GRM5: variants seen among roughly 807,000 people sequenced by gnomAD.
GRM5 encodes the protein glutamate metabotropic receptor 5, also known as metabotropic glutamate receptor 5.
GRM5 carries 19 observed loss-of-function variants against 83.1 expected under a neutral mutation model. The observed-to-expected ratio is 0.23, with a 90% CI of 0.16 to 0.34. The LOEUF is 0.34. Among genes scored for constraint, GRM5 ranks in the 10% least tolerant of loss-of-function variants. The pLI, the probability that GRM5 is intolerant of heterozygous loss-of-function variation, is 1.00. For missense variants in GRM5, 1,160 were observed against 1,588.3 expected (o/e 0.73, Z 4.58); for synonymous variants, 675 against 633.6 (o/e 1.07, Z -0.98).
At chr11:88,941,640 C>A (rs373935011) in intron 2 of GRM5, among the ~76,000 whole-genome samples, 6 of 151,622 alleles carry the variant, frequency 4.0e-5, no homozygotes, top group African/African-American at 1.5e-4. Context: ...AGAATGCCAA[C>A]TGTAAATGTA....
At chr11:88,754,415 G>A (rs1023796657) in intron 3 of GRM5, among the ~76,000 whole-genome samples, 3 of 152,030 alleles carry the variant, frequency 2.0e-5, no homozygotes, top group Non-Finnish European at 4.4e-5. Context: ...TCCTGCTCCT[G>A]TACTCCTGAA....
At chr11:88,762,361 A>C (rs1262157581) in intron 3 of GRM5, among the ~76,000 whole-genome samples, 1 of 152,104 alleles carries the variant, frequency 6.6e-6, no homozygotes, top group Non-Finnish European at 1.5e-5. Flanking sequence ...AACCCCATTA[A>C]AATGTGGACA....
intron 2 of GRM5, among the ~76,000 whole-genome samples, chr11:88,952,250 A>G (rs1262331895): frequency 6.6e-6 from 1 of 152,080 alleles, no homozygotes; most frequent in Non-Finnish European, 1.5e-5. Flanking sequence ...AAAATCTCCT[A>G]TACATCTTTC....
chr11:88,774,602 T>C (rs777577204), intron 3 of GRM5, among the ~76,000 whole-genome samples: 4 of 151,652 alleles, frequency 2.6e-5, no homozygotes, highest in Non-Finnish European at 5.9e-5. Context: ...TAAATAGCTC[T>C]TATTATTTTG....
intron 3 of GRM5, among the ~76,000 whole-genome samples, chr11:88,760,387 A>G (rs1942486879): frequency 6.6e-6 from 1 of 152,114 alleles, no homozygotes; most frequent in African/African-American, 2.4e-5. Context: ...TTTACCACGG[A>G]CCCCATAGAA....
At chr11:89,017,254 C>A in intron 2 of GRM5, among the ~76,000 whole-genome samples, 1 of 152,284 alleles carries the variant, frequency 6.6e-6, no homozygotes, top group African/African-American at 2.4e-5. Context: ...TGGCTCTAGT[C>A]TGTAGCAATG....
intron 2 of GRM5, among the ~76,000 whole-genome samples, chr11:88,915,478 T>C (rs1945574152): frequency 6.6e-6 from 1 of 152,134 alleles, no homozygotes; most frequent in African/African-American, 2.4e-5. Flanking sequence ...TCTTGCTCCC[T>C]TGCCCCATTA....
rs144985912 is a variant in GRM5, at chr11:89,064,854, TTCTCTCTC to T, written c.-201+914_-201+921del. Among the ~76,000 whole-genome samples, 36 of 46,088 alleles carry T rather than the reference TTCTCTCTC, an allele frequency of 7.8e-4. 2 individuals are homozygous for T. Among genetic ancestry groups the T allele is most frequent in the East Asian group, 1.9e-3 (2 of 1,040 alleles). The allele number at this position is 46,088 out of a possible 152,430, so 30.2% of individuals were successfully genotyped here. On this transcript the variant is annotated intron_variant, in intron 1 of 9. Transcript: ENST00000305447. The stretch of plus-strand genomic sequence containing the variant: ...CTCTTCCCTGTATTCATTTTTCATA[TTCTCTCTC>T]TCTCTCTCTCTCTCTCTCTCTCTCT...
intron 3 of GRM5, among the ~76,000 whole-genome samples, chr11:88,767,181 AAAG>A (rs1942639857): frequency 6.6e-6 from 1 of 151,944 alleles, no homozygotes; most frequent in South Asian, 2.1e-4. Flanking sequence ...TCAAAAAATA[AAAG>A]ATGCTGGTGA....
At chr11:88,842,308 A>T (rs1370919316) in intron 3 of GRM5, among the ~76,000 whole-genome samples, 1 of 152,200 alleles carries the variant, frequency 6.6e-6, no homozygotes. Context: ...AAATATGTAA[A>T]TGGAGACCTG....
In GRM5 at chr11:88,757,441, AC is replaced by A. The variant is rs533956891; in HGVS notation, c.911+92464del. ...TGTGAACACAGAGCCTGCCAGCCTCACCCCCACCAATGCTGTGCTCCTGCAA... is the reference window on the plus strand; with the variant it reads ...TGTGAACACAGAGCCTGCCAGCCTCACCCCACCAATGCTGTGCTCCTGCAA... On this transcript the variant is annotated intron_variant, in intron 3 of 9. Transcript: ENST00000305447. Among the ~76,000 whole-genome samples, 344 of 152,062 alleles carry A rather than the reference AC, an allele frequency of 2.3e-3. 1 individual carries two copies. Among genetic ancestry groups the A allele is most frequent in the African/African-American group, 8.0e-3 (330 of 41,460 alleles).
chr11:88,885,395 T>C (rs1419615766), intron 2 of GRM5, among the ~76,000 whole-genome samples: 1 of 148,048 alleles, frequency 6.8e-6, no homozygotes, highest in Non-Finnish European at 1.5e-5. Context: ...AGAACTTTGA[T>C]TTTTAAATTA....
Position 88,653,237 on chromosome 11 carries a change from G to A in GRM5, c.1078C>T (p.Gln360Ter), listed in dbSNP as rs1270368960. The A allele has an allele frequency of 6.2e-7, 1 of 1,612,938 alleles. No individual in the cohort carries two copies. Among genetic ancestry groups the A allele is most frequent in the Admixed American group, 1.7e-5 (1 of 59,860 alleles). ...TCCAGTCGGCACTGAAAACGATGCTGCCAAAATTCTTGAAACCAAGGGTTT... is the reference window on the plus strand; with the variant it reads ...TCCAGTCGGCACTGAAAACGATGCTACCAAAATTCTTGAAACCAAGGGTTT... The part of the protein sequence containing the change: ...HRNPWFQEFW[Q>*]HRFQCRLEGF... Residue 360 changes from glutamine to a stop codon, truncating the protein, a stop_gained, in exon 4 of 10, where the codon CAG becomes TAG. Coordinates refer to ENST00000305447, the MANE Select transcript of GRM5 (RefSeq NM_001143831.3). LOFTEE classifies it high-confidence loss of function.
intron 3 of GRM5, among the ~76,000 whole-genome samples, chr11:88,697,391 A>T (rs17178478): frequency 0.14 from 21,590 of 152,146 alleles, 1,922 homozygotes; most frequent in Middle Eastern, 0.21. Flanking sequence ...ATGTTTTGCA[A>T]TTCCTTCCAC....
chr11:88,995,103 T>C (rs578178009), intron 2 of GRM5, among the ~76,000 whole-genome samples: 1 of 152,112 alleles, frequency 6.6e-6, no homozygotes, highest in African/African-American at 2.4e-5. Flanking sequence ...CCCAGAACAA[T>C]GATGATACTG....
chr11:89,014,849 T>G (rs1172434718), intron 2 of GRM5, among the ~76,000 whole-genome samples: 3 of 152,162 alleles, frequency 2.0e-5, no homozygotes, highest in East Asian at 1.9e-4. Flanking sequence ...TTTTAAAAAT[T>G]TTAAAAGCTT....
intron 1 of GRM5, among the ~76,000 whole-genome samples, chr11:89,052,613 A>G (rs1941784678): frequency 6.6e-6 from 1 of 152,202 alleles, no homozygotes; most frequent in Non-Finnish European, 1.5e-5. Flanking sequence ...AAGAATCCTT[A>G]TAACAACTCT....
rs1240213595 is a variant in GRM5 at position 88,525,288 on chromosome 11, GGCCACTCATAGTTT to G, written c.2726+7_2726+20del. On this transcript the variant is annotated splice_region_variant and intron_variant, in intron 9 of 9. Transcript: ENST00000305447. ...CATACATTTATTTCACACCACCTCA[GGCCACTCATAGTTT>G]GCTTACCTGCTCATTGTTGCTCTCC... The G allele has an allele frequency of 7.2e-7, 1 of 1,380,964 alleles. No homozygotes were observed. The highest frequency in any genetic ancestry group is 1.0e-6 in the Non-Finnish European group (1 of 968,880). The allele number at this position is 1,380,964 out of a possible 1,614,324, so 85.5% of individuals were successfully genotyped here.
intron 3 of GRM5, among the ~76,000 whole-genome samples, chr11:88,759,547 C>T (rs1333777573): frequency 6.6e-6 from 1 of 152,106 alleles, no homozygotes; most frequent in Non-Finnish European, 1.5e-5. Context: ...TATATATGTA[C>T]TAAATACAAG....
Sources: allele counts gnomAD v4.1 joint callset (sites outside exome capture counted in the v4.1 genomes callset), GRCh38; gene constraint gnomAD v4.1.1; transcripts MANE v1.5; gene names NCBI Gene and HGNC (gene_info 2026-07-23, HGNC 2026-07-21).